The following ZNF469 variants were observed in gnomAD, a reference collection of about 807,000 sequenced individuals.
ZNF469 encodes zinc finger protein 469.
A neutral mutation model predicts 1.0 loss-of-function variants in ZNF469; 1 was observed. That is an observed-to-expected ratio of 1.00 (90% CI 0.35 to 4.73). The LOEUF is 4.73. ZNF469 is among the 30% of genes most tolerant of loss of function. ZNF469 has a pLI of 0.16. For missense variants in ZNF469, 6,100 were observed against 5,356.3 expected, an observed-to-expected ratio of 1.14 and a Z score of -4.33; for synonymous variants, 2,703 against 2,363.4, an observed-to-expected ratio of 1.14 and a Z score of -4.17.
chr16:88,434,763 C>G lies in ZNF469; in HGVS notation c.7293C>G (p.His2431Gln), dbSNP rs991352216. The G allele has an allele frequency of 6.5e-7, 1 of 1,550,280 alleles. No homozygotes were observed. The highest frequency in any genetic ancestry group is 1.4e-5 in the African/African-American group (1 of 73,066). The change falls in exon 3 of 3, where the codon CAC becomes CAG. Residue 2431 changes from histidine to glutamine, a missense_variant. By Grantham distance (24) the His-to-Gln change is conservative. Transcript: ENST00000565624. ...CCCAAAGCCACAGAAATGCCTCCCA[C>G]CAGACTCCCCAGGGGGACCCCCTCG... ...DSPQSHRNAS[H>Q]QTPQGDPLGP... is the part of the protein sequence containing the mutation.
the ZNF469 span, among the ~76,000 whole-genome samples, chr16:88,111,567 C>G: frequency 6.6e-6 from 1 of 152,142 alleles, no homozygotes; most frequent in Non-Finnish European, 1.5e-5. Flanking sequence ...TCCTTCCACT[C>G]TCTATATCCA....
chr16:88,210,602 G>A, the ZNF469 span, among the ~76,000 whole-genome samples: 1 of 152,132 alleles, frequency 6.6e-6, no homozygotes, highest in African/African-American at 2.4e-5. Context: ...TATTTTTTAT[G>A]TATAGTATGA....
chr16:88,334,945 G>A, the ZNF469 span, among the ~76,000 whole-genome samples: 4 of 152,042 alleles, frequency 2.6e-5, no homozygotes, highest in African/African-American at 7.2e-5. Context: ...AGATGCCAAC[G>A]GAAGGACACA....
At chr16:88,427,323 C>A in intron 2 of ZNF469, 22 bp from the exon 3 acceptor site, 2 of 848,820 alleles carry the variant, frequency 2.4e-6, no homozygotes, top group Non-Finnish European at 3.4e-6. Flanking sequence ...CTGCCCCACT[C>A]ACCCCTGACC....
intron 1 of ZNF469, among the ~76,000 whole-genome samples, chr16:88,408,630 C>T (rs887868714): frequency 6.6e-6 from 1 of 152,330 alleles, no homozygotes; most frequent in Admixed American, 6.5e-5. Flanking sequence ...GCACTGACTG[C>T]TCAGGGCTGA....
the ZNF469 span, among the ~76,000 whole-genome samples, chr16:88,271,754 G>A: frequency 2.6e-5 from 4 of 151,832 alleles, no homozygotes; most frequent in African/African-American, 9.7e-5. Flanking sequence ...AACAGAGTTG[G>A]GAACAGACAG....
In ZNF469 at chr16:88,429,946, C is replaced by A. The variant is rs929500436; in HGVS notation, c.2476C>A (p.Pro826Thr). Residue 826 changes from proline to threonine, a missense_variant, in exon 3 of 3, where the codon CCG (proline) becomes ACG (threonine). Pro to Thr is a conservative substitution (Grantham distance 38). Transcript: ENST00000565624. ...FLPSLAATPF[P>T]LPASDLDMED... ...GCCCAGCCTGGCCGCCACCCCCTTC[C>A]CGCTCCCTGCCTCGGACCTGGACAT... 3 of 1,550,296 alleles carry A rather than the reference C, an allele frequency of 1.9e-6. No homozygotes were observed. The highest frequency in any genetic ancestry group is 2.6e-6 in the Non-Finnish European group (3 of 1,146,938).
the ZNF469 span, among the ~76,000 whole-genome samples, chr16:88,257,095 T>C: frequency 4.2e-5 from 6 of 144,358 alleles, no homozygotes; most frequent in Admixed American, 4.3e-4. Flanking sequence ...ATTACAGGCA[T>C]GCACCACCAT....
At position 88,429,964 on chromosome 16, in the gene ZNF469, C is replaced by T; in HGVS notation, c.2494C>T (p.Leu832=). The change falls in exon 3 of 3, where the codon CTG becomes TTG. Residue 832 remains leucine (L), a synonymous_variant. Transcript: ENST00000565624. ...ATPFPLPASD[L]DMEDDAKLDS... ...CCCCTTCCCGCTCCCTGCCTCGGAC[C>T]TGGACATGGAGGATGACGCCAAGCT... 1 of 1,550,362 alleles carries T rather than the reference C, an allele frequency of 6.5e-7. No individual in the cohort carries two copies.
the ZNF469 span, among the ~76,000 whole-genome samples, chr16:88,147,363 A>G: frequency 1 from 151,637 of 152,092 alleles, 75,595 homozygotes; most frequent in Middle Eastern, 1. Flanking sequence ...CGCCAAAGTC[A>G]GTCCATGTTG....
At chr16:88,300,030 A>G in the ZNF469 span, among the ~76,000 whole-genome samples, 2 of 152,112 alleles carry the variant, frequency 1.3e-5, no homozygotes, top group Non-Finnish European at 2.9e-5. Flanking sequence ...AGGGGGACGC[A>G]ATGGCATTTG....
the ZNF469 span, among the ~76,000 whole-genome samples, chr16:88,225,056 T>A: frequency 6.6e-6 from 1 of 152,166 alleles, no homozygotes; most frequent in Non-Finnish European, 1.5e-5. Flanking sequence ...CTGTACATCC[T>A]CCTCACTGGC....
the ZNF469 span, among the ~76,000 whole-genome samples, chr16:88,185,046 C>G: frequency 1.3e-5 from 2 of 150,430 alleles, no homozygotes; most frequent in Non-Finnish European, 3.0e-5. Context: ...CATACGTATC[C>G]AGACACCCAC....
At chr16:88,287,812 T>C in the ZNF469 span, among the ~76,000 whole-genome samples, 1 of 152,186 alleles carries the variant, frequency 6.6e-6, no homozygotes, top group African/African-American at 2.4e-5. Context: ...GCATTAGCCT[T>C]ATGGCCAGCG....
chr16:88,319,754 C>A, the ZNF469 span, among the ~76,000 whole-genome samples: 1 of 152,224 alleles, frequency 6.6e-6, no homozygotes, highest in Non-Finnish European at 1.5e-5. Flanking sequence ...TGGTCAGGAG[C>A]CGGCCCCCAG....
At chr16:88,324,748 T>C in the ZNF469 span, among the ~76,000 whole-genome samples, 4 of 152,224 alleles carry the variant, frequency 2.6e-5, no homozygotes, top group African/African-American at 7.2e-5. Context: ...CTTCCAGATG[T>C]TGCCATTGCG....
the ZNF469 span, among the ~76,000 whole-genome samples, chr16:88,331,182 A>G: frequency 6.6e-6 from 1 of 150,620 alleles, no homozygotes; most frequent in East Asian, 1.9e-4. Context: ...TACCATCACC[A>G]CCGTCGTCAC....
the ZNF469 span, among the ~76,000 whole-genome samples, chr16:88,136,115 C>G: frequency 0.029 from 4,407 of 152,216 alleles, 210 homozygotes; most frequent in African/African-American, 0.1. Flanking sequence ...TGTCCACGTC[C>G]TAGTCCCTGG....
At chr16:88,423,289 G>A (rs1040156045) in intron 1 of ZNF469, among the ~76,000 whole-genome samples, 5 of 151,890 alleles carry the variant, frequency 3.3e-5, no homozygotes, top group African/African-American at 1.2e-4. Flanking sequence ...ATGGATGGAT[G>A]GATAGGTGGG....
Sources: gnomAD v4.1 joint callset for allele counts (sites outside exome capture counted in the v4.1 genomes callset) on GRCh38, gnomAD v4.1.1 for gene constraint, MANE v1.5 for transcripts, NCBI Gene and HGNC (gene_info 2026-07-23, HGNC 2026-07-21) for gene names.